Variants in DTNBP1 observed in about 807,000 individuals in gnomAD.
The protein encoded by DTNBP1 is dysbindin.
A neutral mutation model predicts 42.8 loss-of-function variants in DTNBP1; 35 were observed. That is an observed-to-expected ratio of 0.82 (90% CI 0.63 to 1.09). The LOEUF (loss-of-function observed/expected upper bound fraction) is 1.09, where lower values mean the gene tolerates loss of function less well. Among genes scored for constraint, DTNBP1 ranks in the 50% least tolerant of loss-of-function variants. DTNBP1 has a pLI of 0.00. For missense variants in DTNBP1, 457 were observed against 424.2 expected (o/e 1.08, Z -0.68); for synonymous variants, 171 against 162.2 (o/e 1.05, Z -0.41).
At chr6:15,662,578 C>A (rs1015045114) in intron 1 of DTNBP1, among the ~76,000 whole-genome samples, 1 of 152,162 alleles carries the variant, frequency 6.6e-6, no homozygotes, top group African/African-American at 2.4e-5. Flanking sequence ...CGCCGCCGAG[C>A]GCCTCCCGGT....
intron 1 of DTNBP1, among the ~76,000 whole-genome samples, chr6:15,658,856 A>C (rs531446727): frequency 2.0e-5 from 3 of 152,364 alleles, no homozygotes; most frequent in Admixed American, 2.0e-4. Flanking sequence ...ACTTTAGGTG[A>C]GGGGAAAAGA....
intron 7 of DTNBP1, among the ~76,000 whole-genome samples, chr6:15,561,683 A>G (rs1259568824): frequency 6.6e-6 from 1 of 152,222 alleles, no homozygotes; most frequent in Non-Finnish European, 1.5e-5. Flanking sequence ...CAGCAACTCC[A>G]TCTTGAATAG....
chr6:15,614,130 T>A (rs1033011340), intron 6 of DTNBP1, among the ~76,000 whole-genome samples: 5 of 152,164 alleles, frequency 3.3e-5, no homozygotes, highest in Non-Finnish European at 5.9e-5. Context: ...GAACTTGTGT[T>A]CTAAAATACT....
chr6:15,645,461 C>T (rs965696971), intron 3 of DTNBP1, among the ~76,000 whole-genome samples: 1 of 151,856 alleles, frequency 6.6e-6, no homozygotes, highest in Non-Finnish European at 1.5e-5. Context: ...ATCCTGATTC[C>T]AAAACCTAGC....
intron 6 of DTNBP1, among the ~76,000 whole-genome samples, chr6:15,613,086 T>C (rs1451851714): frequency 6.6e-6 from 1 of 151,888 alleles, no homozygotes; most frequent in Non-Finnish European, 1.5e-5. Context: ...GGCGAGTGGA[T>C]CATCAGAGGT....
rs1776370468 is a variant in DTNBP1 at position 15,593,188 on chromosome 6, T to C, written c.489-107A>G. 9.0e-6 allele frequency: 9 copies of C among 1,000,574 alleles called. No individual in the cohort carries two copies. In the South Asian group the frequency reaches 1.1e-4, roughly 12 times the overall value. The allele number at this position is 1,000,574 out of a possible 1,614,324, so 62.0% of individuals were successfully genotyped here. On this transcript the variant is annotated intron_variant, in intron 6 of 9. Transcript: ENST00000344537. ...ACTTATGTACTTTAAATGCCCACAG[T>C]GGTATTTCTGGATCTTCACATATCA...
intron 4 of DTNBP1, among the ~76,000 whole-genome samples, chr6:15,636,009 T>C (rs996512175): frequency 6.6e-6 from 1 of 152,170 alleles, no homozygotes; most frequent in African/African-American, 2.4e-5. Context: ...AAACTTTTGG[T>C]GGTTTACTTG....
At position 15,662,754 on chromosome 6, in the gene DTNBP1, G is replaced by C. The variant is rs1173100443; in HGVS notation, c.56+60C>G. 3 of 1,602,028 alleles carry C rather than the reference G, an allele frequency of 1.9e-6. No individual in the cohort carries two copies. In the African/African-American group the frequency reaches 4.0e-5, roughly 21 times the overall value. ...GCGCGGGGAAGGGAGCGAGGCAGGG[G>C]CATCCCAGGCGGCGGCCCGGCCCCC... On this transcript the variant is annotated intron_variant, in intron 1 of 9. Transcript: ENST00000344537.
At chr6:15,660,504 T>C (rs1761544734) in intron 1 of DTNBP1, 1 of 1,289,758 alleles carries the variant, frequency 7.8e-7, no homozygotes, top group African/African-American at 1.5e-5. Context: ...GTCCAGTGGT[T>C]TGTCAGCTGA....
chr6:15,637,429 G>T (rs1209607793), intron 4 of DTNBP1, among the ~76,000 whole-genome samples: 5 of 152,232 alleles, frequency 3.3e-5, no homozygotes, highest in African/African-American at 1.2e-4. Flanking sequence ...GGTATAAAGA[G>T]ATGTCTTATA....
intron 6 of DTNBP1, among the ~76,000 whole-genome samples, chr6:15,601,383 T>C (rs1776721846): frequency 6.6e-6 from 1 of 152,200 alleles, no homozygotes; most frequent in South Asian, 2.1e-4. Context: ...GTGTTTTAAC[T>C]TTCCCCAAAC....
At chr6:15,642,333 T>C (rs1353181645) in intron 3 of DTNBP1, among the ~76,000 whole-genome samples, 1 of 152,102 alleles carries the variant, frequency 6.6e-6, no homozygotes, top group African/African-American at 2.4e-5. Flanking sequence ...TGATAGGAAG[T>C]GGATCACGTT....
intron 6 of DTNBP1, among the ~76,000 whole-genome samples, chr6:15,594,884 A>C (rs945202735): frequency 6.6e-6 from 1 of 152,170 alleles, no homozygotes; most frequent in Non-Finnish European, 1.5e-5. Flanking sequence ...ACTCAGAATA[A>C]TGATTTCACA....
At chr6:15,577,320 G>A (rs541293866) in intron 7 of DTNBP1, among the ~76,000 whole-genome samples, 2 of 152,226 alleles carry the variant, frequency 1.3e-5, no homozygotes. Flanking sequence ...AGTTTGGCAC[G>A]AGGAGGTGAT....
chr6:15,569,881 T>C (rs1479985286), intron 7 of DTNBP1, among the ~76,000 whole-genome samples: 5 of 152,158 alleles, frequency 3.3e-5, no homozygotes, highest in African/African-American at 1.2e-4. Context: ...CCTTGGTAAA[T>C]TATGTCCCTG....
intron 4 of DTNBP1, among the ~76,000 whole-genome samples, chr6:15,635,079 T>G (rs1038786193): frequency 6.6e-6 from 1 of 152,180 alleles, no homozygotes; most frequent in African/African-American, 2.4e-5. Context: ...GTGATCTATC[T>G]TCTCTCTAGT....
In DTNBP1 at chr6:15,637,847, T is replaced by C. The variant is rs1324754636; in HGVS notation, c.162-43A>G. The stretch of plus-strand genomic sequence containing the variant: ...ATAATTTGAAATGCAAACCACACAT[T>C]AAAAGGAAATACTATCTAAAGATGA... On this transcript the variant is annotated intron_variant, in intron 3 of 9. Coordinates refer to ENST00000344537, the MANE Select transcript of DTNBP1 (RefSeq NM_032122.5). The C allele has an allele frequency of 1.9e-6, 3 of 1,558,112 alleles. No individual in the cohort carries two copies. In the Admixed American group the frequency reaches 5.0e-5, roughly 26 times the overall value.
chr6:15,650,808 A>G (rs1760948949), intron 3 of DTNBP1, among the ~76,000 whole-genome samples: 1 of 152,062 alleles, frequency 6.6e-6, no homozygotes, highest in African/African-American at 2.4e-5. Flanking sequence ...CTCACATTCT[A>G]TGTTTTGTCA....
chr6:15,661,356 T>TA (rs1320778199), intron 1 of DTNBP1, among the ~76,000 whole-genome samples: 79 of 39,394 alleles, frequency 2.0e-3, no homozygotes, highest in African/African-American at 7.5e-3. Flanking sequence ...CTTGTCACTT[T>TA]AAAAAAAAGG....
Sources: allele counts gnomAD v4.1 joint callset (sites outside exome capture counted in the v4.1 genomes callset), GRCh38; gene constraint gnomAD v4.1.1; transcripts MANE v1.5; gene names NCBI Gene and HGNC (gene_info 2026-07-23, HGNC 2026-07-21).